The following TPR variants were observed in gnomAD, a reference collection of about 807,000 sequenced individuals.
TPR encodes the protein nucleoprotein TPR.
Under a neutral mutation model 316.1 loss-of-function variants are expected in TPR, and 51 were observed. The observed-to-expected ratio is 0.16, with a 90% CI of 0.13 to 0.20. The LOEUF (loss-of-function observed/expected upper bound fraction) is 0.20. TPR is among the 10% of genes least tolerant of loss of function. TPR has a pLI of 1.00. For synonymous variants in TPR, 981 were observed against 914.7 expected (o/e 1.07, Z -1.31); for missense variants, 2,272 against 2,754.8 (o/e 0.82, Z 3.92).
At chr1:186,360,566 T>C (rs1659155467) in intron 10 of TPR, among the ~76,000 whole-genome samples, 199 bp downstream of exon 10, 1 of 152,076 alleles carries the variant, frequency 6.6e-6, no homozygotes, top group South Asian at 2.1e-4. Context: ...AGACTGTGTG[T>C]GATCAAATGG....
rs775102848 is a variant in TPR at position 186,360,012 on chromosome 1, G to C, written c.1192-16C>G. The C allele has an allele frequency of 4.4e-6, 7 of 1,600,774 alleles. No individual in the cohort carries two copies. In the Admixed American group the frequency reaches 1.2e-4, roughly 28 times the overall value. On this transcript the variant is annotated splice_polypyrimidine_tract_variant and intron_variant, in intron 11 of 50. Coordinates refer to ENST00000367478, the MANE Select transcript of TPR (RefSeq NM_003292.3). ...CATTATAGAGCTGAAAGTAGACAAA[G>C]GGTTGTTTCAAATCTAACCATAACA...
Position 186,326,116 on chromosome 1 carries a change from A to C in TPR, c.6009T>G (p.Ala2003=). 6.2e-7 allele frequency: 1 copy of C among 1,613,798 alleles called. No homozygotes were observed. Among genetic ancestry groups the C allele is most frequent in the South Asian group, 1.1e-5 (1 of 91,070 alleles). The part of the protein sequence containing the change: ...GSADGNDGYE[A]DDAEGGDGTD... Reference sequence around the variant, plus strand: ...TCTAGCCAGTTACCTCAGCATCATCAGCTTCATAACCATCATTGCCATCGG... The same window carrying C: ...TCTAGCCAGTTACCTCAGCATCATCCGCTTCATAACCATCATTGCCATCGG... Residue 2003 remains alanine (A), a synonymous_variant, in exon 41 of 51, where the codon GCT becomes GCG. Coordinates refer to ENST00000367478, the MANE Select transcript of TPR (RefSeq NM_003292.3).
intron 17 of TPR, 77 bp downstream of exon 17, chr1:186,355,333 A>G: frequency 6.8e-7 from 1 of 1,478,432 alleles, no homozygotes; most frequent in Non-Finnish European, 9.2e-7. Context: ...ATTGCAAATT[A>G]GCTCTTGAAT....
At chr1:186,328,201 A>G (rs1435526612) in intron 39 of TPR, among the ~76,000 whole-genome samples, 1 of 152,208 alleles carries the variant, frequency 6.6e-6, no homozygotes, top group Non-Finnish European at 1.5e-5. Flanking sequence ...TAATACTCCA[A>G]TAAGAAAAAG....
intron 17 of TPR, among the ~76,000 whole-genome samples, 184 bp downstream of exon 17, chr1:186,355,226 A>C (rs1358100796): frequency 6.6e-6 from 1 of 151,978 alleles, no homozygotes; most frequent in Non-Finnish European, 1.5e-5. Context: ...AACAAGCTAA[A>C]CCCTTAGCAC....
chr1:186,352,307 T>G (rs1658885565), intron 18 of TPR, among the ~76,000 whole-genome samples, 197 bp from the exon 19 acceptor site: 1 of 152,102 alleles, frequency 6.6e-6, no homozygotes, highest in Non-Finnish European at 1.5e-5. Flanking sequence ...GGATCATCAA[T>G]GAAAAAATCT....
intron 17 of TPR, 85 bp from the exon 18 acceptor site, chr1:186,353,935 A>T (rs72711793): frequency 0.031 from 37,092 of 1,213,706 alleles, 697 homozygotes; most frequent in Non-Finnish European, 0.037. Context: ...AGCTTAACCC[A>T]TTTCCCCAAA....
chr1:186,322,733 A>G, intron 43 of TPR, 147 bp from the exon 44 acceptor site: 1 of 736,004 alleles, frequency 1.4e-6, no homozygotes, highest in South Asian at 1.8e-5. Context: ...AAAACCTGCC[A>G]AGAAATCACT....
At chr1:186,365,900 T>C (rs1265886446) in intron 4 of TPR, among the ~76,000 whole-genome samples, 1 of 152,170 alleles carries the variant, frequency 6.6e-6, no homozygotes, top group Non-Finnish European at 1.5e-5. Context: ...TAACAGAAGA[T>C]GACTGGATGG....
At chr1:186,365,819 G>A (rs962731533) in intron 4 of TPR, among the ~76,000 whole-genome samples, 11 of 152,214 alleles carry the variant, frequency 7.2e-5, no homozygotes, top group African/African-American at 2.7e-4. Context: ...GGCAAAAAAA[G>A]TGGGATGAAG....
intron 49 of TPR, among the ~76,000 whole-genome samples, chr1:186,317,097 C>T (rs937286687): frequency 6.6e-6 from 1 of 152,230 alleles, no homozygotes; most frequent in Non-Finnish European, 1.5e-5. Context: ...GTGGTTCAAA[C>T]AGAGGCAAGA....
intron 33 of TPR, among the ~76,000 whole-genome samples, chr1:186,336,145 T>C (rs1414065976): frequency 6.6e-6 from 1 of 152,088 alleles, no homozygotes; most frequent in Non-Finnish European, 1.5e-5. Flanking sequence ...CCTGGGCTGG[T>C]AAAGATCTTT....
chr1:186,350,451 T>C lies in TPR; in HGVS notation c.2611-63A>G, dbSNP rs1658825878. 3.2e-6 allele frequency: 4 copies of C among 1,261,992 alleles called. No homozygotes were observed. In the African/African-American group the frequency reaches 6.2e-5, roughly 20 times the overall value. 78.2% of individuals were successfully genotyped at this position (1,261,992 alleles called of 1,614,324 possible). A position where few individuals can be genotyped will look rare whatever the true frequency, so the allele number is the denominator to read the frequency against. Reference sequence around the variant, plus strand: ...CCTAAGTAACTAAAGGTTCAAACTATCTTTTTATAGACCTTTGGAGCTCGG... The same window carrying C: ...CCTAAGTAACTAAAGGTTCAAACTACCTTTTTATAGACCTTTGGAGCTCGG... On this transcript the variant is annotated intron_variant, in intron 20 of 50. Transcript: ENST00000367478.
At chr1:186,334,020 T>C (rs1314302187) in intron 36 of TPR, among the ~76,000 whole-genome samples, 3 of 152,136 alleles carry the variant, frequency 2.0e-5, no homozygotes, top group East Asian at 1.9e-4. Flanking sequence ...ATTGCTGTAA[T>C]GAATAACAAG....
intron 3 of TPR, among the ~76,000 whole-genome samples, chr1:186,368,947 T>C (rs946609235): frequency 2.6e-5 from 4 of 152,166 alleles, no homozygotes; most frequent in African/African-American, 9.7e-5. Flanking sequence ...AACACAAACA[T>C]CCAACATTCA....
At chr1:186,340,923 C>T in intron 29 of TPR, 105 bp downstream of exon 29, 3 of 1,378,378 alleles carry the variant, frequency 2.2e-6, no homozygotes, top group Non-Finnish European at 3.0e-6. Context: ...CACTAATAAA[C>T]ACAGTAATTT....
At chr1:186,323,030 A>G (rs1657813384) in intron 43 of TPR, among the ~76,000 whole-genome samples, 1 of 152,148 alleles carries the variant, frequency 6.6e-6, no homozygotes, top group African/African-American at 2.4e-5. Flanking sequence ...AAGACTTTAT[A>G]TTTTCCCATC....
Position 186,313,834 on chromosome 1 carries a change from C to G in TPR, c.*137G>C. 1 of 1,501,928 alleles carries G rather than the reference C, an allele frequency of 6.7e-7. No individual in the cohort carries two copies. The highest frequency in any genetic ancestry group is 1.1e-5 in the South Asian group (1 of 88,744). 93.0% of individuals were successfully genotyped at this position (1,501,928 alleles called of 1,614,324 possible). The stretch of plus-strand genomic sequence containing the variant: ...AAGAAATGAATAATAAATTTTGACA[C>G]TGAAAAACATTTTATTAATAAAGAA... On this transcript the variant is annotated 3_prime_UTR_variant, in exon 51 of 51. Transcript: ENST00000367478.
chr1:186,348,114 T>C (rs551790929), intron 21 of TPR, among the ~76,000 whole-genome samples: 2 of 152,226 alleles, frequency 1.3e-5, no homozygotes, highest in African/African-American at 2.4e-5. Context: ...GTTTGTGGGG[T>C]TGGGCAAAAA....
Sources: gnomAD v4.1 joint callset for allele counts (sites outside exome capture counted in the v4.1 genomes callset) on GRCh38, gnomAD v4.1.1 for gene constraint, MANE v1.5 for transcripts, NCBI Gene and HGNC (gene_info 2026-07-23, HGNC 2026-07-21) for gene names.